Variants in KHDRBS2 observed in about 807,000 individuals in gnomAD.
KHDRBS2 encodes KH RNA binding domain containing, signal transduction associated 2.
A neutral mutation model predicts 44.3 loss-of-function variants in KHDRBS2; 26 were observed. The observed-to-expected ratio is 0.59, with a 90% confidence interval of 0.43 to 0.81. The LOEUF (loss-of-function observed/expected upper bound fraction) is 0.81, where lower values mean the gene tolerates loss of function less well. KHDRBS2 is among the 40% of genes least tolerant of loss of function. The probability of loss-of-function intolerance (pLI) is 0.00; values close to 1 mark genes in which losing one functional copy is unlikely to be tolerated. For missense variants in KHDRBS2, 476 were observed against 433.1 expected (o/e 1.10, Z -0.88); for synonymous variants, 194 against 151.1 (o/e 1.28, Z -2.08).
At chr6:61,806,601 T>G (rs1039997907) in intron 6 of KHDRBS2, among the ~76,000 whole-genome samples, 33 of 150,700 alleles carry the variant, frequency 2.2e-4, no homozygotes, top group Non-Finnish European at 1.0e-4. Context: ...TAAAAATGTG[T>G]TTTAATTATG....
intron 6 of KHDRBS2, among the ~76,000 whole-genome samples, chr6:61,792,879 G>C (rs1017944825): frequency 6.6e-6 from 1 of 151,844 alleles, no homozygotes; most frequent in Non-Finnish European, 1.5e-5. Context: ...AATTCTAAAA[G>C]GTTTGTGGCT....
intron 2 of KHDRBS2, among the ~76,000 whole-genome samples, chr6:62,052,000 G>C (rs1172861704): frequency 6.6e-6 from 1 of 151,902 alleles, no homozygotes; most frequent in Non-Finnish European, 1.5e-5. Flanking sequence ...TTTTACTTGA[G>C]TGAGCAGAAA....
the KHDRBS2 span, among the ~76,000 whole-genome samples, chr6:61,634,866 A>C: frequency 6.6e-6 from 1 of 152,076 alleles, no homozygotes; most frequent in Non-Finnish European, 1.5e-5. Flanking sequence ...ATAAATGAAC[A>C]ACATCTGGCT....
chr6:61,567,458 A>G, the KHDRBS2 span, among the ~76,000 whole-genome samples: 1 of 152,062 alleles, frequency 6.6e-6, no homozygotes, highest in Admixed American at 6.6e-5. Flanking sequence ...ACAAGGCAAG[A>G]CCCTGTCTCT....
At chr6:61,975,483 G>A (rs1403895671) in intron 4 of KHDRBS2, among the ~76,000 whole-genome samples, 1 of 152,008 alleles carries the variant, frequency 6.6e-6, no homozygotes, top group Non-Finnish European at 1.5e-5. Flanking sequence ...GTTCATTTTT[G>A]CCCCTTGCGG....
chr6:62,215,676 C>A (rs956715311), intron 1 of KHDRBS2, among the ~76,000 whole-genome samples: 3 of 151,582 alleles, frequency 2.0e-5, no homozygotes, highest in Non-Finnish European at 3.0e-5. Context: ...CTCAACCCAC[C>A]GGAATAAACA....
At chr6:61,553,852 G>A in the KHDRBS2 span, among the ~76,000 whole-genome samples, 1 of 152,234 alleles carries the variant, frequency 6.6e-6, no homozygotes. Context: ...ATTGCACTGT[G>A]ATCCAAGAGT....
chr6:61,773,229 A>G (rs1215970494), intron 6 of KHDRBS2, among the ~76,000 whole-genome samples: 1 of 152,150 alleles, frequency 6.6e-6, no homozygotes, highest in African/African-American at 2.4e-5. Flanking sequence ...GACTTCCACA[A>G]TGGTTGAAGT....
At chr6:62,137,664 A>C (rs1233588195) in intron 2 of KHDRBS2, among the ~76,000 whole-genome samples, 2 of 152,100 alleles carry the variant, frequency 1.3e-5, no homozygotes, top group Middle Eastern at 3.2e-3. Flanking sequence ...GAGACTATAA[A>C]ATCCCAGGGT....
At chr6:61,753,997 G>C (rs1778118426) in intron 6 of KHDRBS2, among the ~76,000 whole-genome samples, 1 of 152,078 alleles carries the variant, frequency 6.6e-6, no homozygotes, top group South Asian at 2.1e-4. Context: ...ACAGCCACCA[G>C]AAGCTGGAAG....
At chr6:61,765,541 T>C (rs1250484080) in intron 6 of KHDRBS2, among the ~76,000 whole-genome samples, 1 of 152,152 alleles carries the variant, frequency 6.6e-6, no homozygotes, top group Non-Finnish European at 1.5e-5. Context: ...GGGTACATAA[T>C]AGGCATGTAT....
chr6:61,647,563 A>G, the KHDRBS2 span, among the ~76,000 whole-genome samples: 1 of 152,180 alleles, frequency 6.6e-6, no homozygotes, highest in Non-Finnish European at 1.5e-5. Context: ...AGATTATAAG[A>G]TGCACTTAGT....
At chr6:62,203,713 G>A (rs142455885) in intron 1 of KHDRBS2, among the ~76,000 whole-genome samples, 203 of 152,194 alleles carry the variant, frequency 1.3e-3, no homozygotes, top group Non-Finnish European at 2.2e-3. Context: ...CGTTTAAGAC[G>A]GAATACTGGA....
At position 61,732,736 on chromosome 6, in the gene KHDRBS2, T is replaced by C. The variant is rs756394171; in HGVS notation, c.839A>G (p.Tyr280Cys). ...YGYDDGYGGEYDDQTYETYDN... is the reference protein window; with the variant it reads ...YGYDDGYGGECDDQTYETYDN... ...ATAAGTCTCATAGGTCTGGTCATCA[T>C]ATTCACCCCCGTAGCCATCATCATA... Residue 280 changes from tyrosine (Y) to cysteine (C), a missense_variant, in exon 7 of 9, where the codon TAT (tyrosine) becomes TGT (cysteine). By Grantham distance (194) the Tyr-to-Cys change is radical. Transcript: ENST00000281156. 4.2e-5 allele frequency: 67 copies of C among 1,610,684 alleles called. No homozygotes were observed. The Admixed American group carries it at 1.1e-3, about 25-fold the overall frequency.
chr6:61,587,742 C>A, the KHDRBS2 span, among the ~76,000 whole-genome samples: 5 of 152,124 alleles, frequency 3.3e-5, no homozygotes, highest in Non-Finnish European at 7.4e-5. Flanking sequence ...TCGTTGGTTA[C>A]AGAACATATC....
intron 8 of KHDRBS2, among the ~76,000 whole-genome samples, chr6:61,686,945 G>A (rs756795608): frequency 6.6e-6 from 1 of 151,590 alleles, no homozygotes; most frequent in Non-Finnish European, 1.5e-5. Context: ...TAGCAAGAAT[G>A]TGGGCCGCTT....
rs1377882833 is a variant in KHDRBS2, at chr6:61,954,677, T to TGC, written c.483+23388_483+23389insGC. 1.4e-4 allele frequency among the ~76,000 whole-genome samples: 18 copies of TGC among 125,314 alleles called. 2 individuals carry two copies. Among genetic ancestry groups the TGC allele is most frequent in the African/African-American group, 4.2e-4 (15 of 35,810 alleles). 82.2% of individuals were successfully genotyped at this position (125,314 alleles called of 152,430 possible). ...ATACATACATATGTGTATATACACA[T>TGC]ACATACTTATGTATACATACATATG... On this transcript the variant is annotated intron_variant, in intron 4 of 8. Coordinates refer to ENST00000281156, the MANE Select transcript of KHDRBS2 (RefSeq NM_152688.4).
At chr6:62,265,272 T>C (rs891526315) in intron 1 of KHDRBS2, among the ~76,000 whole-genome samples, 1 of 151,976 alleles carries the variant, frequency 6.6e-6, no homozygotes, top group African/African-American at 2.4e-5. Context: ...AAGGATAACA[T>C]AGACCACTGA....
At chr6:61,799,952 T>G (rs1012946870) in intron 6 of KHDRBS2, among the ~76,000 whole-genome samples, 10 of 152,102 alleles carry the variant, frequency 6.6e-5, no homozygotes, top group African/African-American at 2.4e-4. Context: ...ATCTAAGTTA[T>G]ATATATGCTA....
Sources: allele counts gnomAD v4.1 joint callset (sites outside exome capture counted in the v4.1 genomes callset), GRCh38; gene constraint gnomAD v4.1.1; transcripts MANE v1.5; gene names NCBI Gene and HGNC (gene_info 2026-07-23, HGNC 2026-07-21).